CNTNAP5: variants seen among roughly 807,000 people sequenced by gnomAD.
The protein encoded by CNTNAP5 is contactin-associated protein-like 5.
Under a neutral mutation model 150.2 loss-of-function variants are expected in CNTNAP5, and 72 were observed. The ratio of observed to expected loss-of-function variants is 0.48; its 90% CI spans 0.40 to 0.58. CNTNAP5 has a LOEUF of 0.58. Ranked by LOEUF, CNTNAP5 falls within the 20% of genes least tolerant of loss-of-function variation. The pLI is 0.00. For synonymous variants in CNTNAP5, 672 were observed against 619.8 expected (o/e 1.08, Z -1.25); for missense variants, 1,636 against 1,626.2 (o/e 1.01, Z -0.10).
chr2:124,398,876 T>C (rs812412), intron 3 of CNTNAP5, among the ~76,000 whole-genome samples: 1 of 152,040 alleles, frequency 6.6e-6, no homozygotes, highest in African/African-American at 2.4e-5. Context: ...ATTGCAGTGA[T>C]CCAGGAAGGA....
At chr2:124,351,495 T>C (rs1257603463) in intron 3 of CNTNAP5, among the ~76,000 whole-genome samples, 1 of 152,166 alleles carries the variant, frequency 6.6e-6, no homozygotes. Context: ...CAAGGAGAGC[T>C]AATGGAAGCT....
intron 11 of CNTNAP5, among the ~76,000 whole-genome samples, chr2:124,568,909 G>C (rs569038757): frequency 6.6e-6 from 1 of 152,264 alleles, no homozygotes; most frequent in Non-Finnish European, 1.5e-5. Flanking sequence ...TTACCCTGGC[G>C]TGGCGGCGGA....
chr2:124,895,950 G>T (rs921468116), intron 21 of CNTNAP5, among the ~76,000 whole-genome samples: 1 of 151,468 alleles, frequency 6.6e-6, no homozygotes, highest in African/African-American at 2.4e-5. Flanking sequence ...GTGAAGAGTC[G>T]GTGCATGGGC....
chr2:124,851,035 A>T (rs192010107), intron 19 of CNTNAP5, among the ~76,000 whole-genome samples: 2 of 152,320 alleles, frequency 1.3e-5, no homozygotes, highest in Admixed American at 1.3e-4. Flanking sequence ...ACTGTAAACC[A>T]TCAGGGAGCA....
intron 1 of CNTNAP5, among the ~76,000 whole-genome samples, chr2:124,137,677 G>A (rs185557406): frequency 2.6e-5 from 4 of 152,196 alleles, no homozygotes; most frequent in Non-Finnish European, 5.9e-5. Flanking sequence ...GTGACACATA[G>A]ATATATCAAT....
chr2:124,408,313 G>T (rs1481091328), intron 3 of CNTNAP5, among the ~76,000 whole-genome samples: 2 of 151,554 alleles, frequency 1.3e-5, no homozygotes, highest in South Asian at 2.1e-4. Context: ...GGGGAGGGGC[G>T]CCCGCCATTG....
intron 1 of CNTNAP5, among the ~76,000 whole-genome samples, chr2:124,181,392 A>G (rs1281368943): frequency 2.0e-5 from 3 of 152,134 alleles, no homozygotes; most frequent in Non-Finnish European, 2.9e-5. Context: ...TATATTAAGC[A>G]TCATAAAGAT....
chr2:124,501,923 G>A (rs762231341), intron 7 of CNTNAP5, among the ~76,000 whole-genome samples: 4 of 152,236 alleles, frequency 2.6e-5, no homozygotes, highest in South Asian at 2.1e-4. Flanking sequence ...AGAGGCATGC[G>A]CTAAAGACAA....
intron 17 of CNTNAP5, among the ~76,000 whole-genome samples, chr2:124,780,750 G>C (rs998808422): frequency 3.3e-5 from 5 of 152,144 alleles, no homozygotes; most frequent in Non-Finnish European, 7.4e-5. Context: ...ACCTTTACTT[G>C]TGATTTAAGC....
chr2:124,128,313 G>T (rs1035230333), intron 1 of CNTNAP5, among the ~76,000 whole-genome samples: 1 of 152,144 alleles, frequency 6.6e-6, no homozygotes, highest in East Asian at 1.9e-4. Flanking sequence ...ACGAAAAAAT[G>T]CTCATCATCA....
intron 3 of CNTNAP5, among the ~76,000 whole-genome samples, chr2:124,329,631 GA>G (rs934368766): frequency 6.6e-6 from 1 of 151,502 alleles, no homozygotes. Context: ...TGGCCGTGAA[GA>G]AAAAAAACAT....
intron 3 of CNTNAP5, among the ~76,000 whole-genome samples, chr2:124,287,903 G>A (rs540032136): frequency 3.1e-4 from 47 of 152,152 alleles, no homozygotes; most frequent in African/African-American, 1.1e-3. Context: ...TAAAGACTAC[G>A]GATTGTATAA....
In CNTNAP5 at chr2:124,747,526, TA is replaced by T. The variant is rs529930051; in HGVS notation, c.2234+146del. The T allele has an allele frequency of 7.4e-5, 68 of 922,906 alleles. No homozygotes were observed. The African/African-American group carries it at 9.9e-4, about 13-fold the overall frequency. The allele number at this position is 922,906 out of a possible 1,614,324, so 57.2% of individuals were successfully genotyped here. On this transcript the variant is annotated intron_variant, in intron 14 of 23. Coordinates refer to ENST00000682447, the MANE Select transcript of CNTNAP5 (RefSeq NM_001367498.1). ...GATGGTGACTTTTGTTTTTTAACCTTAAAAATGGTAAATTCTAGTGTTTTCA... is the reference window on the plus strand; with the variant it reads ...GATGGTGACTTTTGTTTTTTAACCTTAAAATGGTAAATTCTAGTGTTTTCA...
intron 2 of CNTNAP5, among the ~76,000 whole-genome samples, chr2:124,232,858 T>A (rs1686657950): frequency 6.6e-6 from 1 of 152,112 alleles, no homozygotes; most frequent in Non-Finnish European, 1.5e-5. Context: ...TGTGCTTCTG[T>A]GTGTAAATAA....
Position 124,448,004 on chromosome 2 carries a change from C to T in CNTNAP5, c.918+1067C>T, listed in dbSNP as rs566992870. ...ATTAAGTTGGCTGGGCATGGTGGCT[C>T]ACACCTGTAATCTCAGCACTTTGGG... On this transcript the variant is annotated intron_variant, in intron 6 of 23. Transcript: ENST00000682447. 1.2e-4 allele frequency among the ~76,000 whole-genome samples: 18 copies of T among 152,238 alleles called. No homozygotes were observed. In the South Asian group the frequency reaches 3.5e-3, roughly 30 times the overall value.
At chr2:124,595,144 G>T (rs950220093) in intron 11 of CNTNAP5, among the ~76,000 whole-genome samples, 9 of 148,164 alleles carry the variant, frequency 6.1e-5, no homozygotes, top group Non-Finnish European at 1.2e-4. Flanking sequence ...TCTCCTGCCT[G>T]ATTGCCCTGG....
intron 17 of CNTNAP5, among the ~76,000 whole-genome samples, chr2:124,781,376 A>G (rs1296748813): frequency 6.6e-6 from 1 of 152,064 alleles, no homozygotes; most frequent in Non-Finnish European, 1.5e-5. Flanking sequence ...CCCAGGCTCT[A>G]TTTCTCTTAC....
chr2:124,431,336 A>G (rs1573990849), intron 4 of CNTNAP5, among the ~76,000 whole-genome samples: 1 of 152,052 alleles, frequency 6.6e-6, no homozygotes, highest in East Asian at 1.9e-4. Context: ...AACATTTGGA[A>G]TTCAGTACTT....
intron 3 of CNTNAP5, among the ~76,000 whole-genome samples, chr2:124,399,565 G>A (rs946585175): frequency 1.3e-5 from 2 of 151,742 alleles, no homozygotes; most frequent in African/African-American, 2.4e-5. Context: ...AAGGATGAGC[G>A]AGCATCCTAG....
Sources: allele counts gnomAD v4.1 joint callset (sites outside exome capture counted in the v4.1 genomes callset), GRCh38; gene constraint gnomAD v4.1.1; transcripts MANE v1.5; gene names NCBI Gene and HGNC (gene_info 2026-07-23, HGNC 2026-07-21).